ADAMTSL1: variants seen among roughly 807,000 people sequenced by gnomAD.
ADAMTSL1 encodes ADAMTS-like protein 1.
In ADAMTSL1, 126 loss-of-function variants were observed where a neutral mutation model predicts 201.8. The observed-to-expected ratio is 0.62, with a 90% CI of 0.54 to 0.72. ADAMTSL1 has a LOEUF of 0.72. Among genes scored for constraint, ADAMTSL1 ranks in the 30% least tolerant of loss-of-function variants. The pLI is 0.00. For synonymous variants in ADAMTSL1, 1,121 were observed against 903.4 expected (o/e 1.24, Z -4.32); for missense variants, 2,679 against 2,277.8 (o/e 1.18, Z -3.59).
Position 17,921,466 on chromosome 9 carries a change from T to C in ADAMTSL1, c.87+14544T>C, listed in dbSNP as rs149120397. 3.1e-3 allele frequency among the ~76,000 whole-genome samples: 475 copies of C among 152,320 alleles called. 1 individual carries two copies. Among genetic ancestry groups the C allele is most frequent in the Non-Finnish European group, 4.9e-3 (330 of 68,022 alleles). On this transcript the variant is annotated intron_variant, in intron 1 of 29. Transcript: ENST00000680146. Reference sequence around the variant, plus strand: ...TTCCAATTCTTTTGTCATCTTTATTTATTTACTGTTATTTTAGCAGACATT... The same window carrying C: ...TTCCAATTCTTTTGTCATCTTTATTCATTTACTGTTATTTTAGCAGACATT...
chr9:18,657,889 C>A (rs2132984147), intron 8 of ADAMTSL1, 139 bp downstream of exon 8: 1 of 663,904 alleles, frequency 1.5e-6, no homozygotes, highest in East Asian at 2.8e-5. Flanking sequence ...AGAGTGGAAT[C>A]TCGAGGCCCT....
rs397963773 is a variant in ADAMTSL1, at chr9:18,514,327, CTTTTTTTTTTT to C, written c.191+9384_191+9394del. 1.3e-3 allele frequency among the ~76,000 whole-genome samples: 128 copies of C among 100,092 alleles called. 1 individual carries two copies. Among genetic ancestry groups the C allele is most frequent in the African/African-American group, 4.6e-3 (119 of 25,920 alleles). 65.7% of individuals were successfully genotyped at this position (100,092 alleles called of 152,430 possible). A position where few individuals can be genotyped will look rare whatever the true frequency, so the allele number is the denominator to read the frequency against. On this transcript the variant is annotated intron_variant, in intron 2 of 28. Transcript: ENST00000380548. ...GTAGAATTGCAACTGATTTTTCTTT[CTTTTTTTTTTT>C]TTTTTTTTTTTTGAACGAAGTCTCG...
Position 17,916,470 on chromosome 9 carries a change from A to G in ADAMTSL1, c.87+9548A>G, listed in dbSNP as rs182466715. 2.9e-4 allele frequency among the ~76,000 whole-genome samples: 44 copies of G among 152,152 alleles called. 1 individual carries two copies. The highest frequency in any genetic ancestry group is 1.0e-3 in the African/African-American group (42 of 41,512). On this transcript the variant is annotated intron_variant, in intron 1 of 29. Coordinates refer to the ADAMTSL1 transcript ENST00000680146. The stretch of plus-strand genomic sequence containing the variant: ...TAGGTTTTTACATTTAGTTTCTTTC[A>G]TTCTTGAGTTAATTTTTGCATATGG...
chr9:18,163,611 T>A (rs1827500171), intron 1 of ADAMTSL1, among the ~76,000 whole-genome samples: 1 of 151,942 alleles, frequency 6.6e-6, no homozygotes, highest in Non-Finnish European at 1.5e-5. Flanking sequence ...CTGTAATCAC[T>A]GGATTTTGAG....
At chr9:18,113,222 T>C (rs1452628216) in intron 1 of ADAMTSL1, among the ~76,000 whole-genome samples, 1 of 152,144 alleles carries the variant, frequency 6.6e-6, no homozygotes, top group Non-Finnish European at 1.5e-5. Context: ...GAAGACCTGG[T>C]AGGCCATGTC....
intron 2 of ADAMTSL1, among the ~76,000 whole-genome samples, chr9:18,288,245 A>G (rs1046541844): frequency 1.3e-5 from 2 of 152,206 alleles, no homozygotes; most frequent in East Asian, 1.9e-4. Flanking sequence ...CAGTTATCCA[A>G]TGAGAAATCC....
chr9:17,928,958 A>G (rs1826665588), intron 1 of ADAMTSL1, among the ~76,000 whole-genome samples: 1 of 152,066 alleles, frequency 6.6e-6, no homozygotes. Context: ...TAATTACACG[A>G]CTATGGACAA....
At chr9:18,305,306 CAGG>C (rs901002842) in intron 2 of ADAMTSL1, among the ~76,000 whole-genome samples, 4 of 152,160 alleles carry the variant, frequency 2.6e-5, no homozygotes, top group African/African-American at 7.2e-5. Flanking sequence ...AAGCTAGCTG[CAGG>C]AGATTTTTTT....
At chr9:18,028,744 G>T (rs1820806633) in intron 1 of ADAMTSL1, among the ~76,000 whole-genome samples, 2 of 152,118 alleles carry the variant, frequency 1.3e-5, no homozygotes, top group African/African-American at 4.8e-5. Context: ...GGCAATGCGG[G>T]CTCTTTTTTG....
chr9:18,238,400 C>G (rs573355231), intron 2 of ADAMTSL1, among the ~76,000 whole-genome samples: 2 of 152,224 alleles, frequency 1.3e-5, no homozygotes, highest in South Asian at 2.1e-4. Flanking sequence ...AATCACATCC[C>G]TTTGTGCAGG....
intron 1 of ADAMTSL1, among the ~76,000 whole-genome samples, chr9:18,498,745 C>T (rs1017440187): frequency 6.6e-6 from 1 of 152,210 alleles, no homozygotes; most frequent in Non-Finnish European, 1.5e-5. Flanking sequence ...AGTCTGTGCT[C>T]TTTCTCCTGC....
At chr9:18,600,429 T>C (rs1440760986) in intron 4 of ADAMTSL1, among the ~76,000 whole-genome samples, 1 of 152,218 alleles carries the variant, frequency 6.6e-6, no homozygotes, top group Admixed American at 6.5e-5. Flanking sequence ...TGTCTGACCC[T>C]ATAGCCTGTG....
intron 4 of ADAMTSL1, among the ~76,000 whole-genome samples, chr9:18,603,997 C>A (rs1027268426): frequency 2.0e-5 from 3 of 152,160 alleles, no homozygotes; most frequent in Non-Finnish European, 4.4e-5. Context: ...GAGAGCACAC[C>A]TGAACAAAGG....
At chr9:18,517,761 A>G (rs1314985041) in intron 2 of ADAMTSL1, among the ~76,000 whole-genome samples, 1 of 152,114 alleles carries the variant, frequency 6.6e-6, no homozygotes, top group Non-Finnish European at 1.5e-5. Flanking sequence ...ATAGTATTCC[A>G]TGGTGTATAT....
chr9:17,976,342 C>G (rs200822068), intron 1 of ADAMTSL1, among the ~76,000 whole-genome samples: 1 of 151,974 alleles, frequency 6.6e-6, no homozygotes, highest in East Asian at 1.9e-4. Flanking sequence ...AGTATTAAGT[C>G]TTCCAATTCG....
At chr9:18,272,011 T>G (rs13299472) in intron 2 of ADAMTSL1, among the ~76,000 whole-genome samples, 8,842 of 143,274 alleles carry the variant, frequency 0.062, 1,057 homozygotes, top group African/African-American at 0.21. Context: ...TCGCCCACTT[T>G]TTGATGGGGT....
intron 19 of ADAMTSL1, among the ~76,000 whole-genome samples, chr9:18,791,474 C>G (rs1275764315): frequency 6.6e-6 from 1 of 151,624 alleles, no homozygotes; most frequent in Non-Finnish European, 1.5e-5. Context: ...GAAGAAAGCA[C>G]GACTAAACAG....
intron 26 of ADAMTSL1, among the ~76,000 whole-genome samples, chr9:18,895,588 C>G (rs1377073421): frequency 6.6e-6 from 1 of 152,140 alleles, no homozygotes; most frequent in East Asian, 1.9e-4. Context: ...CCAAGGACAG[C>G]CTTGAGTGAG....
At chr9:18,433,896 C>T (rs185909660) in intron 2 of ADAMTSL1, among the ~76,000 whole-genome samples, 14 of 152,224 alleles carry the variant, frequency 9.2e-5, no homozygotes, top group Middle Eastern at 3.4e-3. Flanking sequence ...AGAATGTGTC[C>T]ATATAATGCT....
Sources: allele counts gnomAD v4.1 joint callset (sites outside exome capture counted in the v4.1 genomes callset), GRCh38; gene constraint gnomAD v4.1.1; transcripts MANE v1.5; gene names NCBI Gene and HGNC (gene_info 2026-07-23, HGNC 2026-07-21).